The following THADA variants were observed in gnomAD, a reference collection of about 807,000 sequenced individuals.
The protein encoded by THADA is tRNA (32-2'-O)-methyltransferase regulator THADA.
A neutral mutation model predicts 219.8 loss-of-function variants in THADA; 213 were observed. The observed-to-expected ratio is 0.97, with a 90% CI of 0.87 to 1.09. The LOEUF (loss-of-function observed/expected upper bound fraction) is 1.09, where lower values mean the gene tolerates loss of function less well. Ranked by LOEUF, THADA falls within the 50% of genes least tolerant of loss-of-function variation. The pLI is 0.00. For synonymous variants in THADA, 1,018 were observed against 828.9 expected (o/e 1.23, Z -3.92); for missense variants, 2,956 against 2,311.3 (o/e 1.28, Z -5.72).
At position 43,508,798 on chromosome 2, in the gene THADA, T is replaced by C. The variant is rs748285041; in HGVS notation, c.3375-18A>G. On this transcript the variant is annotated intron_variant, in intron 22 of 37. Transcript: ENST00000405975. The stretch of plus-strand genomic sequence containing the variant: ...TTGGGCACCTAAAAGGCATATATAA[T>C]CAAATATTCGGAATTAGGTATCAAA... 2 of 1,609,574 alleles carry C rather than the reference T, an allele frequency of 1.2e-6. 1 individual carries two copies. Among genetic ancestry groups the C allele is most frequent in the South Asian group, 2.2e-5 (2 of 90,090 alleles).
At chr2:43,398,742 G>A (rs1209252659) in intron 28 of THADA, among the ~76,000 whole-genome samples, 1 of 152,208 alleles carries the variant, frequency 6.6e-6, no homozygotes, top group African/African-American at 2.4e-5. Flanking sequence ...TCAAGGTCTA[G>A]GTAGATGTGT....
intron 29 of THADA, among the ~76,000 whole-genome samples, chr2:43,390,579 CT>C (rs899355838): frequency 2.6e-5 from 4 of 152,182 alleles, no homozygotes; most frequent in African/African-American, 9.6e-5. Context: ...GCCTACTCTA[CT>C]TGTTCCTTTG....
At chr2:43,406,675 C>T (rs539236148) in intron 28 of THADA, among the ~76,000 whole-genome samples, 1 of 152,308 alleles carries the variant, frequency 6.6e-6, no homozygotes, top group East Asian at 1.9e-4. Context: ...AATCATCTTT[C>T]CTAAGCAAGT....
rs570811065 is a variant in THADA at position 43,244,286 on chromosome 2, C to T, written c.5297-11404G>A. ...CAGTTAACAGTACACTCAGCTCAAA[C>T]CCTAGAAAAATACTTGCATTTGTTC... On this transcript the variant is annotated intron_variant, in intron 36 of 37. Coordinates refer to ENST00000405975, the MANE Select transcript of THADA (RefSeq NM_022065.5). 3.3e-5 allele frequency among the ~76,000 whole-genome samples: 5 copies of T among 152,294 alleles called. No homozygotes were observed. In the East Asian group the frequency reaches 5.8e-4, roughly 18 times the overall value.
At chr2:43,447,667 C>CA (rs1429568124) in intron 26 of THADA, among the ~76,000 whole-genome samples, 3 of 152,330 alleles carry the variant, frequency 2.0e-5, no homozygotes, top group African/African-American at 7.2e-5. Context: ...AAAAAGCACT[C>CA]AGGACACAAA....
intron 30 of THADA, among the ~76,000 whole-genome samples, chr2:43,331,377 G>C (rs772372114): frequency 9.2e-5 from 14 of 152,244 alleles, no homozygotes; most frequent in Non-Finnish European, 1.5e-4. Context: ...ATCCTTAAGA[G>C]AGACTAGAAA....
intron 26 of THADA, among the ~76,000 whole-genome samples, chr2:43,455,753 A>T (rs1023850624): frequency 3.0e-4 from 45 of 152,320 alleles, no homozygotes; most frequent in African/African-American, 1.0e-3. Context: ...CCACTATGTA[A>T]ATCTGAAAAA....
intron 28 of THADA, among the ~76,000 whole-genome samples, chr2:43,414,583 A>C (rs186852200): frequency 2.6e-5 from 4 of 152,358 alleles, no homozygotes; most frequent in Non-Finnish European, 5.9e-5. Flanking sequence ...ACCTTTCAGA[A>C]AATAAGGAAC....
At chr2:43,396,765 T>C (rs946715707) in intron 29 of THADA, among the ~76,000 whole-genome samples, 1 of 151,672 alleles carries the variant, frequency 6.6e-6, no homozygotes, top group Non-Finnish European at 1.5e-5. Flanking sequence ...GAGCCGAGAC[T>C]GCACCACTGC....
intron 31 of THADA, among the ~76,000 whole-genome samples, chr2:43,315,504 C>T (rs1380170262): frequency 6.6e-6 from 1 of 151,712 alleles, no homozygotes; most frequent in African/African-American, 2.4e-5. Context: ...GCTCTGTCAC[C>T]CAGGTTGGAC....
At chr2:43,485,854 A>AC (rs1220287201) in intron 25 of THADA, among the ~76,000 whole-genome samples, 1 of 147,418 alleles carries the variant, frequency 6.8e-6, no homozygotes. Context: ...ATACAGTAAG[A>AC]CCCCCATCTC....
intron 30 of THADA, among the ~76,000 whole-genome samples, chr2:43,330,825 G>T (rs1289194308): frequency 6.6e-6 from 1 of 152,174 alleles, no homozygotes; most frequent in East Asian, 1.9e-4. Context: ...CCACAAGGAT[G>T]ATCAGGCCTC....
intron 24 of THADA, among the ~76,000 whole-genome samples, chr2:43,500,251 C>A (rs898170562): frequency 4.6e-5 from 7 of 152,204 alleles, no homozygotes; most frequent in Admixed American, 2.6e-4. Context: ...AGTGGTTACT[C>A]TTGGAGAGAA....
chr2:43,533,792 C>T (rs112416866), intron 21 of THADA, among the ~76,000 whole-genome samples: 15,673 of 152,006 alleles, frequency 0.1, 871 homozygotes, highest in South Asian at 0.14. Context: ...CTAATGCATG[C>T]GGGGCTTAAA....
chr2:43,559,125 T>C (rs1324708461), intron 16 of THADA, among the ~76,000 whole-genome samples: 2 of 152,178 alleles, frequency 1.3e-5, no homozygotes, highest in Non-Finnish European at 2.9e-5. Flanking sequence ...TGATGAATGA[T>C]AAGGTGAGGA....
At chr2:43,454,317 T>C (rs1395665201) in intron 26 of THADA, among the ~76,000 whole-genome samples, 1 of 152,120 alleles carries the variant, frequency 6.6e-6, no homozygotes, top group African/African-American at 2.4e-5. Context: ...AAACATTAAA[T>C]TAGCCAGGTT....
At chr2:43,579,236 C>T (rs1459007175) in intron 8 of THADA, among the ~76,000 whole-genome samples, 1 of 152,202 alleles carries the variant, frequency 6.6e-6, no homozygotes, top group Non-Finnish European at 1.5e-5. Context: ...CTTCCCAAAA[C>T]ACCTAACAGC....
intron 22 of THADA, among the ~76,000 whole-genome samples, chr2:43,521,536 ACAGAGCAAGACTC>A (rs1692485877): frequency 6.6e-6 from 1 of 152,344 alleles, no homozygotes; most frequent in South Asian, 2.1e-4. Flanking sequence ...AGCCTGGGCG[ACAGAGCAAGACTC>A]CAGCTCAAAA....
At chr2:43,345,571 G>T (rs1422409189) in intron 29 of THADA, among the ~76,000 whole-genome samples, 1 of 152,158 alleles carries the variant, frequency 6.6e-6, no homozygotes, top group African/African-American at 2.4e-5. Flanking sequence ...CAAACCACCC[G>T]ACGTGGAGTC....
Sources: gnomAD v4.1 joint callset for allele counts (sites outside exome capture counted in the v4.1 genomes callset) on GRCh38, gnomAD v4.1.1 for gene constraint, MANE v1.5 for transcripts, NCBI Gene and HGNC (gene_info 2026-07-23, HGNC 2026-07-21) for gene names.